NR3C1: variants seen among roughly 807,000 people sequenced by gnomAD.
The protein encoded by NR3C1 is nuclear receptor subfamily 3 group C member 1.
NR3C1 carries 14 observed loss-of-function variants against 74.0 expected under a neutral mutation model. The ratio of observed to expected loss-of-function variants is 0.19; its 90% CI spans 0.12 to 0.30. The LOEUF is 0.30. Ranked by LOEUF, NR3C1 falls within the 10% of genes least tolerant of loss-of-function variation. NR3C1 has a pLI of 1.00. For synonymous variants in NR3C1, 308 were observed against 332.5 expected (o/e 0.93, Z 0.80); for missense variants, 695 against 909.8 (o/e 0.76, Z 3.04).
At chr5:143,387,782 G>A (rs1837514739) in intron 2 of NR3C1, among the ~76,000 whole-genome samples, 1 of 152,078 alleles carries the variant, frequency 6.6e-6, no homozygotes, top group African/African-American at 2.4e-5. Flanking sequence ...GACAGAATAA[G>A]TCAAATCTAA....
chr5:143,338,744 T>C (rs1363188954), intron 2 of NR3C1, among the ~76,000 whole-genome samples: 1 of 152,156 alleles, frequency 6.6e-6, no homozygotes, highest in Admixed American at 6.5e-5. Context: ...TAATTTATTA[T>C]TGAAGAAAAT....
intron 2 of NR3C1, among the ~76,000 whole-genome samples, chr5:143,321,617 G>A (rs544168744): frequency 1.3e-5 from 2 of 152,266 alleles, no homozygotes; most frequent in South Asian, 2.1e-4. Flanking sequence ...AGCTCAGTAT[G>A]GTCCATAATT....
intron 2 of NR3C1, among the ~76,000 whole-genome samples, chr5:143,375,113 G>T (rs747869847): frequency 1.3e-5 from 2 of 152,070 alleles, no homozygotes; most frequent in Non-Finnish European, 2.9e-5. Context: ...CACTCTTTCG[G>T]CTGAGAAAGT....
At chr5:143,343,033 C>A (rs534757415) in intron 2 of NR3C1, among the ~76,000 whole-genome samples, 1 of 152,190 alleles carries the variant, frequency 6.6e-6, no homozygotes, top group Non-Finnish European at 1.5e-5. Context: ...CTAAATAACA[C>A]TAGAAAACAC....
At chr5:143,343,120 G>C (rs1275726294) in intron 2 of NR3C1, among the ~76,000 whole-genome samples, 1 of 152,168 alleles carries the variant, frequency 6.6e-6, no homozygotes, top group Non-Finnish European at 1.5e-5. Context: ...AGCATCTAGG[G>C]AATGGAAAGT....
chr5:143,333,110 G>C, intron 2 of NR3C1: 1 of 1,594,390 alleles, frequency 6.3e-7, no homozygotes, highest in Non-Finnish European at 8.5e-7. Flanking sequence ...AGATCTCATG[G>C]TTCTTGCGCC....
intron 2 of NR3C1, among the ~76,000 whole-genome samples, chr5:143,374,017 C>T (rs1834704651): frequency 6.6e-6 from 1 of 152,152 alleles, no homozygotes; most frequent in South Asian, 2.1e-4. Flanking sequence ...CAACAACTGT[C>T]TTATTTTGCC....
chr5:143,294,570 G>A (rs1816718927), intron 7 of NR3C1, among the ~76,000 whole-genome samples: 1 of 152,050 alleles, frequency 6.6e-6, no homozygotes, highest in Admixed American at 6.6e-5. Flanking sequence ...ATAATGACAT[G>A]TTTCCACCAT....
At chr5:143,342,156 T>C (rs1237909956) in intron 2 of NR3C1, among the ~76,000 whole-genome samples, 1 of 152,222 alleles carries the variant, frequency 6.6e-6, no homozygotes, top group African/African-American at 2.4e-5. Context: ...AACTATTACA[T>C]TTTAAGAATT....
chr5:143,314,242 A>T, intron 2 of NR3C1, 74 bp from the exon 3 acceptor site: 1 of 1,498,172 alleles, frequency 6.7e-7, no homozygotes, highest in Non-Finnish European at 9.2e-7. Context: ...TTAGCTTCTC[A>T]CTTCATAGTC....
intron 1 of NR3C1, among the ~76,000 whole-genome samples, chr5:143,430,676 G>C (rs544457857): frequency 6.6e-6 from 1 of 152,292 alleles, no homozygotes; most frequent in South Asian, 2.1e-4. Flanking sequence ...TATGAACTAG[G>C]ATGCAGGCCT....
At chr5:143,417,795 G>T (rs1008155143) in intron 1 of NR3C1, among the ~76,000 whole-genome samples, 2 of 152,142 alleles carry the variant, frequency 1.3e-5, no homozygotes, top group Admixed American at 6.5e-5. Flanking sequence ...TTCTGTAAAA[G>T]AAATCCAGGC....
chr5:143,413,723 AT>A lies in NR3C1; in HGVS notation c.-13-12872del, dbSNP rs377229006. On this transcript the variant is annotated intron_variant, in intron 1 of 8. Coordinates refer to the NR3C1 transcript ENST00000343796. ...GGTTTCACTGGTCTAGTTGGTTCAA[AT>A]GCTTATCCCTGGACCAATAACTATG... is the stretch of plus-strand genomic sequence containing the variant. 1.1e-4 allele frequency among the ~76,000 whole-genome samples: 16 copies of A among 152,222 alleles called. No individual in the cohort carries two copies. The South Asian group carries it at 2.5e-3, about 24-fold the overall frequency.
chr5:143,288,515 G>C (rs985391021), intron 7 of NR3C1, among the ~76,000 whole-genome samples: 2 of 151,918 alleles, frequency 1.3e-5, no homozygotes, highest in African/African-American at 4.8e-5. Context: ...TTTTGAGACA[G>C]AGTCTCACTC....
At chr5:143,288,606 G>A (rs142655586) in intron 7 of NR3C1, among the ~76,000 whole-genome samples, 174 of 151,976 alleles carry the variant, frequency 1.1e-3, no homozygotes, top group African/African-American at 3.7e-3. Context: ...TGGGTAGCTG[G>A]GACTACAGGC....
upstream of NR3C1, among the ~76,000 whole-genome samples, chr5:143,405,528 T>C (rs920125768): frequency 6.6e-6 from 1 of 151,918 alleles, no homozygotes; most frequent in African/African-American, 2.4e-5. Context: ...TTCTCAAGGG[T>C]AAACGGTTCC....
chr5:143,287,177 AAAT>A (rs1183714248), intron 7 of NR3C1, among the ~76,000 whole-genome samples: 3 of 152,120 alleles, frequency 2.0e-5, no homozygotes, highest in South Asian at 2.1e-4. Flanking sequence ...AGAAAAGAAG[AAAT>A]AATAATCAAT....
intron 2 of NR3C1, 134 bp from the exon 3 acceptor site, chr5:143,314,302 A>G: frequency 1.2e-6 from 1 of 836,928 alleles, no homozygotes; most frequent in Admixed American, 2.0e-5. Context: ...GCACTAAAAT[A>G]TCCTAGCTAA....
intron 1 of NR3C1, among the ~76,000 whole-genome samples, chr5:143,418,468 C>T (rs535574205): frequency 6.6e-6 from 1 of 152,306 alleles, no homozygotes; most frequent in Middle Eastern, 3.4e-3. Flanking sequence ...TCAACCCACA[C>T]AGAAGTAATT....
Sources: gnomAD v4.1 joint callset for allele counts (sites outside exome capture counted in the v4.1 genomes callset) on GRCh38, gnomAD v4.1.1 for gene constraint, MANE v1.5 for transcripts, NCBI Gene and HGNC (gene_info 2026-07-23, HGNC 2026-07-21) for gene names.